Variants in ADGRL4 observed in about 807,000 individuals in gnomAD.
The protein encoded by ADGRL4 is EGF, latrophilin and seven transmembrane domain containing 1.
Under a neutral mutation model 74.8 loss-of-function variants are expected in ADGRL4, and 90 were observed. The observed-to-expected ratio is 1.20, with a 90% confidence interval of 1.02 to 1.43. ADGRL4 has a LOEUF of 1.43. Ranked by LOEUF, ADGRL4 falls within the 40% of genes most tolerant of loss-of-function variation. ADGRL4 has a pLI of 0.00. For synonymous variants in ADGRL4, 311 were observed against 279.2 expected (o/e 1.11, Z -1.14); for missense variants, 881 against 814.3 (o/e 1.08, Z -1.00).
chr1:78,986,889 C>G (rs1014326713), intron 2 of ADGRL4, among the ~76,000 whole-genome samples: 2 of 151,578 alleles, frequency 1.3e-5, no homozygotes, highest in Non-Finnish European at 3.0e-5. Flanking sequence ...TAGATAGAGT[C>G]TAAAAACTAA....
chr1:78,989,769 A>G (rs778726328), intron 2 of ADGRL4, among the ~76,000 whole-genome samples: 3 of 151,966 alleles, frequency 2.0e-5, no homozygotes, highest in Non-Finnish European at 4.4e-5. Context: ...CAGATTTACA[A>G]TGTAACAGTT....
intron 2 of ADGRL4, among the ~76,000 whole-genome samples, chr1:78,993,732 C>G (rs1650659900): frequency 6.6e-6 from 1 of 151,968 alleles, no homozygotes; most frequent in Non-Finnish European, 1.5e-5. Context: ...CCATGCTCGG[C>G]TAATTTTTTT....
chr1:78,954,063 T>A (rs1442061697), intron 2 of ADGRL4, among the ~76,000 whole-genome samples: 1 of 152,118 alleles, frequency 6.6e-6, no homozygotes, highest in Non-Finnish European at 1.5e-5. Flanking sequence ...GGAGAATCGC[T>A]TGAACCTGGG....
At chr1:78,909,312 A>T (rs950647625) in intron 12 of ADGRL4, among the ~76,000 whole-genome samples, 2 of 151,924 alleles carry the variant, frequency 1.3e-5, no homozygotes, top group Admixed American at 6.6e-5. Context: ...CTATTTATAG[A>T]GGACTGCAAA....
At chr1:78,984,678 C>G in intron 2 of ADGRL4, among the ~76,000 whole-genome samples, 1 of 151,576 alleles carries the variant, frequency 6.6e-6, no homozygotes, top group South Asian at 2.1e-4. Flanking sequence ...TAGTCAGAAA[C>G]CTTTCTTAAA....
At position 78,891,636 on chromosome 1, in the gene ADGRL4, A is replaced by C; in HGVS notation, c.1898T>G (p.Phe633Cys). 3 of 1,613,378 alleles carry C rather than the reference A, an allele frequency of 1.9e-6. No individual in the cohort carries two copies. The highest frequency in any genetic ancestry group is 2.5e-6 in the Non-Finnish European group (3 of 1,179,628). ...TGCGTGCACAACATGGAGAACCCCA[A>C]AGATCCAGGTGGTGCCGAGAAGGAA... is the stretch of plus-strand genomic sequence containing the variant. The part of the protein sequence containing the change: ...LLFLLGTTWI[F>C]GVLHVVHASV... The change falls in exon 14 of 15, where the codon TTT (phenylalanine) becomes TGT (cysteine). Residue 633 changes from phenylalanine (F) to cysteine (C), a missense_variant. By Grantham distance (205) the Phe-to-Cys change is radical (BLOSUM62 -2). Coordinates refer to ENST00000370742, the MANE Select transcript of ADGRL4 (RefSeq NM_022159.4).
At chr1:78,912,208 GA>G (rs916676838) in intron 12 of ADGRL4, among the ~76,000 whole-genome samples, 29 of 151,840 alleles carry the variant, frequency 1.9e-4, no homozygotes, top group Non-Finnish European at 3.1e-4. Flanking sequence ...AATAAATCAA[GA>G]AAGGCATAGC....
intron 2 of ADGRL4, among the ~76,000 whole-genome samples, chr1:78,976,942 C>T (rs78143154): frequency 0.011 from 1,657 of 151,792 alleles, 29 homozygotes; most frequent in African/African-American, 0.036. Flanking sequence ...CCATCATTAA[C>T]GCTGGTACCA....
At chr1:78,902,519 T>C (rs1648541780) in intron 12 of ADGRL4, among the ~76,000 whole-genome samples, 1 of 152,156 alleles carries the variant, frequency 6.6e-6, no homozygotes, top group South Asian at 2.1e-4. Flanking sequence ...ACAGAGCCAA[T>C]ATTCATACCT....
chr1:78,982,170 A>G (rs1650409005), intron 2 of ADGRL4, among the ~76,000 whole-genome samples: 1 of 151,878 alleles, frequency 6.6e-6, no homozygotes, highest in African/African-American at 2.4e-5. Context: ...TAACTTGAAA[A>G]TCTCACCTGT....
chr1:78,943,715 T>C (rs961689215), intron 3 of ADGRL4, among the ~76,000 whole-genome samples: 43 of 152,300 alleles, frequency 2.8e-4, no homozygotes, highest in African/African-American at 1.0e-3. Context: ...GATTATGATA[T>C]TGTGCAACGA....
intron 2 of ADGRL4, among the ~76,000 whole-genome samples, chr1:78,973,250 T>A (rs578141810): frequency 2.0e-5 from 3 of 152,060 alleles, no homozygotes; most frequent in African/African-American, 7.2e-5. Context: ...TATAACAGAG[T>A]AAATGTCTGG....
At chr1:78,986,566 G>A (rs961502507) in intron 2 of ADGRL4, among the ~76,000 whole-genome samples, 2 of 151,728 alleles carry the variant, frequency 1.3e-5, no homozygotes, top group Non-Finnish European at 2.9e-5. Context: ...AGCTATGGTT[G>A]AGCCACTGCA....
intron 2 of ADGRL4, among the ~76,000 whole-genome samples, chr1:78,950,643 A>G (rs1360312461): frequency 6.6e-6 from 1 of 152,166 alleles, no homozygotes; most frequent in East Asian, 1.9e-4. Context: ...AAAAGAGGGT[A>G]GGATTAAACA....
Position 79,000,153 on chromosome 1 carries a change from A to G in ADGRL4, c.172+4917T>C, listed in dbSNP as rs562215642. On this transcript the variant is annotated intron_variant, in intron 2 of 14. Transcript: ENST00000370742. ...TTTTCTGGTTCTAAATATTCAATGA[A>G]TCCATCTAGATAATACTGATTAAAA... Among the ~76,000 whole-genome samples, 162 of 152,266 alleles carry G rather than the reference A, an allele frequency of 1.1e-3. No homozygotes were observed. The South Asian group carries it at 0.013, about 12-fold the overall frequency.
intron 12 of ADGRL4, among the ~76,000 whole-genome samples, chr1:78,900,833 G>A (rs1279884697): frequency 1.3e-5 from 2 of 151,858 alleles, no homozygotes; most frequent in East Asian, 1.9e-4. Flanking sequence ...TCTGTGTAGC[G>A]GTGTGAGAAT....
At chr1:78,990,544 T>G (rs1481005264) in intron 2 of ADGRL4, among the ~76,000 whole-genome samples, 1 of 151,982 alleles carries the variant, frequency 6.6e-6, no homozygotes, top group Non-Finnish European at 1.5e-5. Flanking sequence ...CCATTTGATT[T>G]TTTTCAAAGG....
intron 2 of ADGRL4, among the ~76,000 whole-genome samples, chr1:78,994,450 G>C (rs918561468): frequency 6.6e-6 from 1 of 152,152 alleles, no homozygotes; most frequent in African/African-American, 2.4e-5. Flanking sequence ...GTCGCATTTT[G>C]CAGACTGAAT....
intron 2 of ADGRL4, among the ~76,000 whole-genome samples, chr1:78,955,046 C>T (rs1055136880): frequency 6.6e-6 from 1 of 152,056 alleles, no homozygotes; most frequent in Non-Finnish European, 1.5e-5. Context: ...CATGGCCAAA[C>T]TAATCTTCAG....
Sources: allele counts gnomAD v4.1 joint callset (sites outside exome capture counted in the v4.1 genomes callset), GRCh38; gene constraint gnomAD v4.1.1; transcripts MANE v1.5; gene names NCBI Gene and HGNC (gene_info 2026-07-23, HGNC 2026-07-21).